The following NEMP2 variants were observed in gnomAD, a reference collection of about 807,000 sequenced individuals.
NEMP2 encodes nuclear envelope integral membrane protein 2.
In NEMP2, 53 loss-of-function variants were observed where a neutral mutation model predicts 54.2. The ratio of observed to expected loss-of-function variants is 0.98; its 90% CI spans 0.78 to 1.23. The LOEUF (loss-of-function observed/expected upper bound fraction) is 1.23, where lower values mean the gene tolerates loss of function less well. NEMP2 is among the 50% of genes most tolerant of loss of function. The pLI is 0.00. For missense variants in NEMP2, 455 were observed against 511.3 expected, an observed-to-expected ratio of 0.89 and a Z score of 1.06; for synonymous variants, 197 against 190.3, an observed-to-expected ratio of 1.04 and a Z score of -0.29.
chr2:190,593,017 T>A, the NEMP2 span, among the ~76,000 whole-genome samples: 8 of 152,182 alleles, frequency 5.3e-5, no homozygotes. This position sits in a 1 kb window ranked among gnomAD's most constrained non-coding sequence, Gnocchi z 4.5. Context: ...GAGTCTTAGC[T>A]GAGGGTCAGA....
rs756587406 is a variant in NEMP2, at chr2:190,519,144, T to C, written c.253A>G (p.Ile85Val). 69 of 1,550,358 alleles carry C rather than the reference T, an allele frequency of 4.5e-5. 1 individual carries two copies. The highest frequency in any genetic ancestry group is 2.7e-4 in the South Asian group (23 of 84,064). Residue 85 changes from isoleucine (I) to valine (V), a missense_variant, in exon 3 of 9, where the codon ATC (isoleucine) becomes GTC (valine). This residue lies in a region of NEMP2 where 61 missense variants were observed against 97.5 expected (regional missense o/e 0.63). Transcript: ENST00000409150. This position sits in a 1 kb window ranked among gnomAD's most constrained non-coding sequence, Gnocchi z 5.4. The stretch of plus-strand genomic sequence containing the variant: ...TATTGGCAATTATGTCTTTCTGCGA[T>C]ATATACAATTCTGAACAGGCCTGGA... ...TSPGLFRIVYIAERHNCQYPE... is the reference protein window; with the variant it reads ...TSPGLFRIVYVAERHNCQYPE...
chr2:190,603,261 T>C, the NEMP2 span, among the ~76,000 whole-genome samples: 3 of 152,018 alleles, frequency 2.0e-5, no homozygotes, highest in Non-Finnish European at 2.9e-5. Context: ...TGGAAAAATA[T>C]TTTCCCTTAG....
rs1034639603 is a variant in NEMP2, at chr2:190,509,775, C to T, written c.1131-463G>A. Among the ~76,000 whole-genome samples, 2 of 152,242 alleles carry T rather than the reference C, an allele frequency of 1.3e-5. No individual in the cohort carries two copies. Among genetic ancestry groups the T allele is most frequent in the Admixed American group, 6.5e-5 (1 of 15,284 alleles). ...GATTTTCCAGCTGGGTGCGGTGGCTCATGCCTGTAATCCCAGCACTTTGGG... is the reference window on the plus strand; with the variant it reads ...GATTTTCCAGCTGGGTGCGGTGGCTTATGCCTGTAATCCCAGCACTTTGGG... On this transcript the variant is annotated intron_variant, in intron 8 of 8. Transcript: ENST00000409150. The surrounding 1 kb of genome is among the most constrained non-coding windows in gnomAD (Gnocchi z 6.1).
At chr2:190,648,485 TGCGGGGGCCAGGGGAGCCCG>T in the NEMP2 span, 1 of 148,850 alleles carries the variant, frequency 6.7e-6, no homozygotes, top group Non-Finnish European at 1.5e-5. Flanking sequence ...GCCCCGAGCC[TGCGGGGGCCAGGGGAGCCCG>T]GCGCGCTGTT....
At chr2:190,430,839 G>A in the NEMP2 span, among the ~76,000 whole-genome samples, 1 of 144,874 alleles carries the variant, frequency 6.9e-6, no homozygotes, top group African/African-American at 2.6e-5. Flanking sequence ...CCGGCCGGGC[G>A]GGGGCTGACC....
rs1691075713 is a variant in NEMP2 at position 190,529,768 on chromosome 2, A to G, written c.98-4390T>C. 6.6e-6 allele frequency among the ~76,000 whole-genome samples: 1 copy of G among 152,194 alleles called. No homozygotes were observed. Among genetic ancestry groups the G allele is most frequent in the African/African-American group, 2.4e-5 (1 of 41,446 alleles). On this transcript the variant is annotated intron_variant, in intron 1 of 8. Transcript: ENST00000409150. This position sits in a 1 kb window ranked among gnomAD's most constrained non-coding sequence, Gnocchi z 4.7. ...TCTTTGTAAGAGCCTGGCCAGGAATAGTCAGCACCGTAAAAGAAGGTGCAC... is the reference window on the plus strand; with the variant it reads ...TCTTTGTAAGAGCCTGGCCAGGAATGGTCAGCACCGTAAAAGAAGGTGCAC...
rs1045712043 is a variant in NEMP2, at chr2:190,529,957, G to A, written c.98-4579C>T. 6.6e-5 allele frequency among the ~76,000 whole-genome samples: 10 copies of A among 152,170 alleles called. No homozygotes were observed. The highest frequency in any genetic ancestry group is 2.4e-4 in the African/African-American group (10 of 41,422). Reference sequence around the variant, plus strand: ...ATGGCCAATACATCCATAGCTAGAGGGTTGAGTACTGTAACCCTTAACATC... The same window carrying A: ...ATGGCCAATACATCCATAGCTAGAGAGTTGAGTACTGTAACCCTTAACATC... On this transcript the variant is annotated intron_variant, in intron 1 of 8. Coordinates refer to ENST00000409150, the MANE Select transcript of NEMP2 (RefSeq NM_001142645.2). The surrounding 1 kb of genome is among the most constrained non-coding windows in gnomAD (Gnocchi z 4.7).
the NEMP2 span, among the ~76,000 whole-genome samples, chr2:190,630,056 C>G: frequency 1.3e-5 from 2 of 152,146 alleles, no homozygotes; most frequent in African/African-American, 4.8e-5. The surrounding 1 kb of genome is among the most constrained non-coding windows in gnomAD (Gnocchi z 5.5). Context: ...TTCGGATGCT[C>G]AAGGCACTTT....
chr2:190,613,675 G>A, the NEMP2 span, among the ~76,000 whole-genome samples: 137 of 152,088 alleles, frequency 9.0e-4, no homozygotes, highest in Middle Eastern at 3.4e-3. Flanking sequence ...TGCAACCTCC[G>A]CCTCCTGGGT....
rs1306072612 is a variant in NEMP2 at position 190,510,353 on chromosome 2, G to A, written c.1130+8C>T. 6.4e-7 allele frequency: 1 copy of A among 1,551,508 alleles called. No individual in the cohort carries two copies. The highest frequency in any genetic ancestry group is 8.7e-7 in the Non-Finnish European group (1 of 1,146,918). On this transcript the variant is annotated splice_region_variant and intron_variant, in intron 8 of 8. Coordinates refer to ENST00000409150, the MANE Select transcript of NEMP2 (RefSeq NM_001142645.2). This position sits in a 1 kb window ranked among gnomAD's most constrained non-coding sequence, Gnocchi z 5.7. ...AAACTATGGTCCGAGCAGCAGAGCG[G>A]GACTTACTTGCTAGGAGTGTGGAGT...
downstream of NEMP2, chr2:190,500,050 T>C (rs1195354352): frequency 1.9e-6 from 3 of 1,614,204 alleles, no homozygotes; most frequent in Non-Finnish European, 2.5e-6. The surrounding 1 kb of genome is among the most constrained non-coding windows in gnomAD (Gnocchi z 5.3). Flanking sequence ...CTCCTGCTGG[T>C]AGAGCCCAGC....
the NEMP2 span, among the ~76,000 whole-genome samples, chr2:190,594,502 C>T: frequency 3.9e-5 from 6 of 152,174 alleles, no homozygotes; most frequent in Admixed American, 3.3e-4. The surrounding 1 kb of genome is among the most constrained non-coding windows in gnomAD (Gnocchi z 5.6). Flanking sequence ...TGTAAAATGG[C>T]AAAACTATTT....
the NEMP2 span, among the ~76,000 whole-genome samples, chr2:190,491,324 C>T: frequency 1.1e-4 from 16 of 152,194 alleles, no homozygotes; most frequent in Admixed American, 9.8e-4. The surrounding 1 kb of genome is among the most constrained non-coding windows in gnomAD (Gnocchi z 4.2). Context: ...AGACTTGCAT[C>T]ATGCTTTTGC....
At position 190,534,709 on chromosome 2, in the gene NEMP2, C is replaced by T; in HGVS notation, c.-54G>A. Reference sequence around the variant, plus strand: ...GAGCCCTAGGGGACCGGCTCCGCTGCGAGGAGCGGAAGTGGCGCGGGGGCT... The same window carrying T: ...GAGCCCTAGGGGACCGGCTCCGCTGTGAGGAGCGGAAGTGGCGCGGGGGCT... On this transcript the variant is annotated 5_prime_UTR_variant, in exon 1 of 9. Transcript: ENST00000409150. The T allele has an allele frequency of 8.3e-7, 1 of 1,199,250 alleles. No homozygotes were observed. The highest frequency in any genetic ancestry group is 1.0e-6 in the Non-Finnish European group (1 of 954,774). 74.3% of individuals were successfully genotyped at this position (1,199,250 alleles called of 1,614,324 possible).
the NEMP2 span, among the ~76,000 whole-genome samples, chr2:190,490,110 A>C: frequency 2.0e-5 from 3 of 152,284 alleles, no homozygotes; most frequent in South Asian, 4.1e-4. The surrounding 1 kb of genome is among the most constrained non-coding windows in gnomAD (Gnocchi z 4.5). Flanking sequence ...TTCTTTTATA[A>C]TACAAGGTAC....
the NEMP2 span, among the ~76,000 whole-genome samples, chr2:190,479,811 G>A: frequency 1.3e-5 from 2 of 152,150 alleles, no homozygotes; most frequent in African/African-American, 4.8e-5. Flanking sequence ...CTCTCTCTCT[G>A]TAGGATGCTC....
chr2:190,558,264 T>C, the NEMP2 span, among the ~76,000 whole-genome samples: 1 of 151,972 alleles, frequency 6.6e-6, no homozygotes, highest in Non-Finnish European at 1.5e-5. The surrounding 1 kb of genome is among the most constrained non-coding windows in gnomAD (Gnocchi z 4.4). Context: ...TAAGTGGAAG[T>C]TGAATAATGA....
upstream of NEMP2, among the ~76,000 whole-genome samples, chr2:190,537,712 G>A (rs1258558428): frequency 3.3e-5 from 5 of 152,184 alleles, no homozygotes; most frequent in African/African-American, 1.2e-4. Context: ...TTTGCAGCCT[G>A]ACGATGCAAT....
At chr2:190,565,582 A>G in the NEMP2 span, among the ~76,000 whole-genome samples, 17 of 152,170 alleles carry the variant, frequency 1.1e-4, no homozygotes, top group African/African-American at 2.2e-4. Context: ...ACAAGACCCA[A>G]TGATTATTTC....
Sources: gnomAD v4.1 joint callset for allele counts (sites outside exome capture counted in the v4.1 genomes callset) on GRCh38, gnomAD v4.1.1 for gene constraint, gnomAD v4.1.1 regional missense constraint, Gnocchi (gnomAD v3.1) non-coding constraint, MANE v1.5 for transcripts, NCBI Gene and HGNC (gene_info 2026-07-23, HGNC 2026-07-21) for gene names.